SOX6: variants seen among roughly 807,000 people sequenced by gnomAD.
The protein encoded by SOX6 is SRY-box transcription factor 6.
SOX6 carries 11 observed loss-of-function variants against 97.8 expected under a neutral mutation model. That is an observed-to-expected ratio of 0.11 (90% CI 0.07 to 0.19). The LOEUF is 0.19. Ranked by LOEUF, SOX6 falls within the 10% of genes least tolerant of loss-of-function variation. The pLI, the probability that SOX6 is intolerant of heterozygous loss-of-function variation, is 1.00. For missense variants in SOX6, 810 were observed against 1,039.5 expected (o/e 0.78, Z 3.04); for synonymous variants, 360 against 371.4 (o/e 0.97, Z 0.35).
chr11:16,687,499 C>CA (rs1847978592), intron 3 of SOX6, among the ~76,000 whole-genome samples: 1 of 152,166 alleles, frequency 6.6e-6, no homozygotes, highest in African/African-American at 2.4e-5. Context: ...AGGCTGGTCT[C>CA]AAACTCCTGA....
At chr11:16,361,808 A>G (rs1006182670) in intron 1 of SOX6, among the ~76,000 whole-genome samples, 4 of 152,240 alleles carry the variant, frequency 2.6e-5, no homozygotes, top group African/African-American at 9.6e-5. Context: ...AAGCTGTTGC[A>G]AAATTCAGGA....
intron 4 of SOX6, among the ~76,000 whole-genome samples, chr11:16,484,958 A>C (rs1157563255): frequency 2.6e-5 from 4 of 152,082 alleles, no homozygotes; most frequent in Non-Finnish European, 5.9e-5. Flanking sequence ...AGGAGTTTAC[A>C]TTTTTTTAAA....
chr11:16,319,609 T>TG (rs769302129), intron 2 of SOX6, among the ~76,000 whole-genome samples: 1 of 151,562 alleles, frequency 6.6e-6, no homozygotes, highest in Non-Finnish European at 1.5e-5. Flanking sequence ...TTTTTGTCCT[T>TG]GCGATAGTTT....
At chr11:16,055,053 G>A (rs574317249) in intron 10 of SOX6, among the ~76,000 whole-genome samples, 10 of 152,094 alleles carry the variant, frequency 6.6e-5, no homozygotes, top group South Asian at 6.2e-4. Context: ...CATCAAAAGC[G>A]TTATTAGGCA....
chr11:16,173,985 A>T (rs1034686064), intron 6 of SOX6, among the ~76,000 whole-genome samples: 3 of 150,826 alleles, frequency 2.0e-5, no homozygotes, highest in African/African-American at 7.3e-5. Flanking sequence ...AGCTAGGACT[A>T]CAGATGCATG....
chr11:16,363,509 T>A (rs1857262984), intron 1 of SOX6, among the ~76,000 whole-genome samples: 1 of 152,184 alleles, frequency 6.6e-6, no homozygotes, highest in African/African-American at 2.4e-5. Context: ...TATGAGATAC[T>A]CAACCTGTAT....
At chr11:16,238,672 T>G (rs1033079296) in intron 3 of SOX6, among the ~76,000 whole-genome samples, 2 of 152,074 alleles carry the variant, frequency 1.3e-5, no homozygotes, top group African/African-American at 4.8e-5. Flanking sequence ...ACTTACAGCA[T>G]GGGGAAGAGG....
intron 4 of SOX6, among the ~76,000 whole-genome samples, chr11:16,603,217 G>C (rs542279357): frequency 6.6e-6 from 1 of 152,290 alleles, no homozygotes; most frequent in South Asian, 2.1e-4. Flanking sequence ...TTGAATTCCA[G>C]AGTAACTGCA....
intron 5 of SOX6, 55 bp from the exon 6 acceptor site, chr11:16,184,009 T>C: frequency 2.1e-6 from 3 of 1,434,424 alleles, no homozygotes; most frequent in South Asian, 1.2e-5. Context: ...CCTCTGCCAT[T>C]ACCTCAGGTA....
At chr11:16,463,549 A>G (rs914561555) in intron 1 of SOX6, among the ~76,000 whole-genome samples, 2 of 152,250 alleles carry the variant, frequency 1.3e-5, no homozygotes, top group African/African-American at 4.8e-5. Context: ...AACAACATGT[A>G]AGTGCTTAGC....
chr11:16,499,397 A>G lies in SOX6; in HGVS notation n.610-23009T>C, dbSNP rs550880927. Among the ~76,000 whole-genome samples the G allele has an allele frequency of 2.6e-5, 4 of 152,326 alleles. No individual in the cohort carries two copies. In the South Asian group the frequency reaches 8.3e-4, roughly 32 times the overall value. ...AACACCCTAACATCACAATTAAAAGAACTAGGGAAGCAAGAGAAAACACAT... is the reference window on the plus strand; with the variant it reads ...AACACCCTAACATCACAATTAAAAGGACTAGGGAAGCAAGAGAAAACACAT... On this transcript the variant is annotated intron_variant and non_coding_transcript_variant, in intron 4 of 5. Transcript: ENST00000524520.
chr11:16,730,464 T>C (rs1043910045), intron 2 of SOX6, among the ~76,000 whole-genome samples: 3 of 152,180 alleles, frequency 2.0e-5, no homozygotes, highest in Middle Eastern at 3.4e-3. Flanking sequence ...CACAACTACA[T>C]GGAAACTGAA....
chr11:16,394,295 T>C (rs965453779), intron 1 of SOX6, among the ~76,000 whole-genome samples: 2 of 151,926 alleles, frequency 1.3e-5, no homozygotes, highest in Non-Finnish European at 2.9e-5. Context: ...AAGTATACCA[T>C]GTAATAAAAA....
At chr11:16,722,277 CA>C (rs1848273022) in intron 2 of SOX6, among the ~76,000 whole-genome samples, 1 of 152,114 alleles carries the variant, frequency 6.6e-6, no homozygotes. Flanking sequence ...ATGCATCTGA[CA>C]AAGGTCTAAT....
At chr11:16,223,547 A>G (rs1422281193) in intron 4 of SOX6, among the ~76,000 whole-genome samples, 1 of 152,130 alleles carries the variant, frequency 6.6e-6, no homozygotes, top group Non-Finnish European at 1.5e-5. Context: ...GTATAGATGT[A>G]GATATAGATG....
chr11:16,535,728 T>C (rs940283738), intron 4 of SOX6, among the ~76,000 whole-genome samples: 1 of 152,260 alleles, frequency 6.6e-6, no homozygotes, highest in South Asian at 2.1e-4. Context: ...AAATTAATAA[T>C]TTTTATTTTC....
chr11:16,436,548 T>A (rs1464199672), intron 1 of SOX6, among the ~76,000 whole-genome samples: 2 of 152,170 alleles, frequency 1.3e-5, no homozygotes, highest in African/African-American at 4.8e-5. Flanking sequence ...AATTTTGTAG[T>A]TAAGAGCACA....
chr11:16,503,031 C>A (rs1860732329), intron 4 of SOX6, among the ~76,000 whole-genome samples: 1 of 152,112 alleles, frequency 6.6e-6, no homozygotes, highest in South Asian at 2.1e-4. Context: ...AGAAATCTTA[C>A]AGGCCAGGAC....
At chr11:16,295,986 C>T (rs904917272) in intron 3 of SOX6, among the ~76,000 whole-genome samples, 7 of 152,064 alleles carry the variant, frequency 4.6e-5, no homozygotes, top group African/African-American at 1.7e-4. Context: ...AGTAATTGGA[C>T]TAAAATTATC....
Sources: gnomAD v4.1 joint callset for allele counts (sites outside exome capture counted in the v4.1 genomes callset) on GRCh38, gnomAD v4.1.1 for gene constraint, MANE v1.5 for transcripts, NCBI Gene and HGNC (gene_info 2026-07-23, HGNC 2026-07-21) for gene names.